Variants in ROBO1 observed in about 807,000 individuals in gnomAD.
The protein encoded by ROBO1 is roundabout homolog 1.
ROBO1 carries 149 observed loss-of-function variants against 195.9 expected under a neutral mutation model. The observed-to-expected ratio is 0.76, with a 90% confidence interval of 0.67 to 0.87. The LOEUF (loss-of-function observed/expected upper bound fraction) is 0.87, where lower values mean the gene tolerates loss of function less well. ROBO1 is among the 40% of genes least tolerant of loss of function. The probability of loss-of-function intolerance (pLI) is 0.00; values close to 1 mark genes in which losing one functional copy is unlikely to be tolerated. For synonymous variants in ROBO1, 816 were observed against 733.2 expected, an observed-to-expected ratio of 1.11 and a Z score of -1.82; for missense variants, 1,933 against 2,068.3, an observed-to-expected ratio of 0.93 and a Z score of 1.27.
intron 3 of ROBO1, among the ~76,000 whole-genome samples, chr3:79,015,995 T>C (rs80158213): frequency 1.3e-5 from 2 of 152,230 alleles, no homozygotes; most frequent in Non-Finnish European, 2.9e-5. Context: ...TCAGTACACT[T>C]TGATTTATTT....
At chr3:79,300,129 A>G (rs2032827846) in intron 2 of ROBO1, among the ~76,000 whole-genome samples, 1 of 152,106 alleles carries the variant, frequency 6.6e-6, no homozygotes, top group Non-Finnish European at 1.5e-5. Flanking sequence ...GCACTTGAGG[A>G]GCCCCTCAGC....
chr3:79,013,071 G>T (rs2077827179), intron 3 of ROBO1, among the ~76,000 whole-genome samples: 1 of 151,986 alleles, frequency 6.6e-6, no homozygotes, highest in Admixed American at 6.6e-5. Context: ...TAACCATGAA[G>T]TGAGTTATCT....
At chr3:79,369,437 T>A (rs1044746058) in intron 2 of ROBO1, among the ~76,000 whole-genome samples, 57 of 152,244 alleles carry the variant, frequency 3.7e-4, no homozygotes, top group African/African-American at 1.4e-3. Flanking sequence ...CCTTCCTAAC[T>A]ACACTCTTGT....
chr3:79,295,888 A>G (rs1253598955), intron 2 of ROBO1, among the ~76,000 whole-genome samples: 3 of 152,216 alleles, frequency 2.0e-5, no homozygotes, highest in Non-Finnish European at 2.9e-5. Context: ...CAAAACAACT[A>G]AACTCTGAGA....
chr3:79,268,080 T>C (rs1371716431), intron 2 of ROBO1, among the ~76,000 whole-genome samples: 3 of 151,732 alleles, frequency 2.0e-5, no homozygotes, highest in African/African-American at 7.2e-5. Context: ...TCAAGTTTTC[T>C]CTTGCAAATG....
intron 4 of ROBO1, among the ~76,000 whole-genome samples, chr3:78,833,571 T>G (rs2032428114): frequency 6.7e-6 from 1 of 149,076 alleles, no homozygotes; most frequent in Non-Finnish European, 1.5e-5. Context: ...AGGAGAGAAA[T>G]GGGGGCAGAG....
At chr3:79,502,202 T>G (rs1310594530) in intron 2 of ROBO1, among the ~76,000 whole-genome samples, 1 of 152,170 alleles carries the variant, frequency 6.6e-6, no homozygotes, top group Non-Finnish European at 1.5e-5. Flanking sequence ...GGGAGCCCCT[T>G]TCTGGGCGGG....
At chr3:79,012,481 T>C (rs1293134082) in intron 3 of ROBO1, among the ~76,000 whole-genome samples, 7 of 152,180 alleles carry the variant, frequency 4.6e-5, no homozygotes, top group Non-Finnish European at 7.3e-5. Context: ...CTCAAAATAA[T>C]ATGAATTAAT....
intron 4 of ROBO1, among the ~76,000 whole-genome samples, chr3:78,934,471 A>G (rs2039692314): frequency 6.6e-6 from 1 of 152,040 alleles, no homozygotes; most frequent in East Asian, 1.9e-4. Flanking sequence ...TAAAGGAAAC[A>G]AGGAATATTT....
At chr3:78,616,613 T>A (rs1704129034) in intron 27 of ROBO1, among the ~76,000 whole-genome samples, 4 of 152,078 alleles carry the variant, frequency 2.6e-5, no homozygotes, top group Admixed American at 2.0e-4. Context: ...AATGTGGTAG[T>A]TATTAAATTA....
At chr3:78,830,880 G>GT (rs886788368) in intron 4 of ROBO1, among the ~76,000 whole-genome samples, 3 of 150,752 alleles carry the variant, frequency 2.0e-5, no homozygotes, top group African/African-American at 4.9e-5. Context: ...CTGTTTTGTT[G>GT]TTTTTTGTGT....
intron 2 of ROBO1, among the ~76,000 whole-genome samples, chr3:79,519,368 C>T (rs1003433574): frequency 2.0e-5 from 3 of 152,044 alleles, no homozygotes; most frequent in Non-Finnish European, 4.4e-5. Context: ...TGGTGGCTCA[C>T]GCCTGTAATC....
chr3:79,086,520 A>T (rs1230914387), intron 3 of ROBO1, among the ~76,000 whole-genome samples: 1 of 152,190 alleles, frequency 6.6e-6, no homozygotes, highest in Non-Finnish European at 1.5e-5. Flanking sequence ...TACAAGACAT[A>T]TCACATTATC....
chr3:79,385,546 C>T (rs747056489), intron 2 of ROBO1, among the ~76,000 whole-genome samples: 8 of 152,170 alleles, frequency 5.3e-5, no homozygotes, highest in South Asian at 2.1e-4. Context: ...ATCCTAAAGG[C>T]GACATAAAGC....
intron 2 of ROBO1, among the ~76,000 whole-genome samples, chr3:79,177,515 A>G (rs2081278175): frequency 6.6e-6 from 1 of 152,186 alleles, no homozygotes; most frequent in Non-Finnish European, 1.5e-5. Flanking sequence ...CATGGGTCCC[A>G]ATCCACTCCT....
chr3:79,676,094 G>T (rs1946776980), intron 1 of ROBO1, among the ~76,000 whole-genome samples: 1 of 151,866 alleles, frequency 6.6e-6, no homozygotes, highest in South Asian at 2.1e-4. Flanking sequence ...CGGAGCCTTA[G>T]CCACGAACCT....
At chr3:79,363,117 A>G (rs2035834071) in intron 2 of ROBO1, among the ~76,000 whole-genome samples, 2 of 152,212 alleles carry the variant, frequency 1.3e-5, no homozygotes, top group African/African-American at 4.8e-5. Flanking sequence ...CTTCTCAGCC[A>G]CTAACAGCAA....
At chr3:78,718,030 T>C in intron 5 of ROBO1, 147 bp from the exon 6 acceptor site, 1 of 745,882 alleles carries the variant, frequency 1.3e-6, no homozygotes. Context: ...TTTGCTATTT[T>C]TAGGTAGTAC....
chr3:79,587,004 A>G (rs1035111528), intron 2 of ROBO1, among the ~76,000 whole-genome samples: 1 of 151,928 alleles, frequency 6.6e-6, no homozygotes, highest in Non-Finnish European at 1.5e-5. Context: ...CATGCAATGA[A>G]AGCAACAATT....
Sources: allele counts gnomAD v4.1 joint callset (sites outside exome capture counted in the v4.1 genomes callset), GRCh38; gene constraint gnomAD v4.1.1; transcripts MANE v1.5; gene names NCBI Gene and HGNC (gene_info 2026-07-23, HGNC 2026-07-21).